GPR137C: variants seen among roughly 807,000 people sequenced by gnomAD.
GPR137C encodes G protein-coupled receptor 137C.
Under a neutral mutation model 43.4 loss-of-function variants are expected in GPR137C, and 27 were observed. That is an observed-to-expected ratio of 0.62 (90% CI 0.46 to 0.86). The LOEUF (loss-of-function observed/expected upper bound fraction) is 0.86, where lower values mean the gene tolerates loss of function less well. Among genes scored for constraint, GPR137C ranks in the 40% least tolerant of loss-of-function variants. The pLI is 0.00. For synonymous variants in GPR137C, 285 were observed against 226.9 expected (o/e 1.26, Z -2.30); for missense variants, 522 against 534.6 (o/e 0.98, Z 0.23).
At chr14:52,575,248 A>ACTT (rs2038533501) in intron 1 of GPR137C, among the ~76,000 whole-genome samples, 1 of 152,154 alleles carries the variant, frequency 6.6e-6, no homozygotes, top group African/African-American at 2.4e-5. Context: ...TTTTAAAAAT[A>ACTT]CTTCTACATG....
chr14:52,596,437 T>A (rs1047593315), intron 1 of GPR137C, among the ~76,000 whole-genome samples: 5 of 152,246 alleles, frequency 3.3e-5, no homozygotes, highest in African/African-American at 1.2e-4. Flanking sequence ...AGGTGGCGTC[T>A]AGCGAGGCGG....
At chr14:52,565,104 A>G (rs562628077) in intron 1 of GPR137C, among the ~76,000 whole-genome samples, 15 of 152,202 alleles carry the variant, frequency 9.9e-5, no homozygotes, top group Non-Finnish European at 7.3e-5. Flanking sequence ...ATGAGATTAC[A>G]TTGTCAAATC....
intron 3 of GPR137C, among the ~76,000 whole-genome samples, chr14:52,602,423 T>C (rs1392606742): frequency 6.6e-6 from 1 of 152,060 alleles, no homozygotes; most frequent in Non-Finnish European, 1.5e-5. Context: ...GTTCAGACTT[T>C]GGTCTTCTGT....
chr14:52,613,315 C>A (rs1032157464), intron 3 of GPR137C: 1 of 151,654 alleles, frequency 6.6e-6, no homozygotes, highest in Non-Finnish European at 1.5e-5. Context: ...ATGGAAAATG[C>A]AATATCCATC....
intron 3 of GPR137C, among the ~76,000 whole-genome samples, chr14:52,603,286 T>C (rs1451186386): frequency 1.3e-5 from 2 of 152,236 alleles, no homozygotes; most frequent in Non-Finnish European, 2.9e-5. Context: ...TTTCATTCTT[T>C]TTATGCCCAT....
intron 3 of GPR137C, among the ~76,000 whole-genome samples, chr14:52,622,024 A>G (rs2039167521): frequency 6.6e-6 from 1 of 151,930 alleles, no homozygotes; most frequent in Non-Finnish European, 1.5e-5. Context: ...AAATCTCTTT[A>G]ATATCTGACT....
intron 1 of GPR137C, among the ~76,000 whole-genome samples, chr14:52,571,423 A>C (rs2038466430): frequency 6.6e-6 from 1 of 152,158 alleles, no homozygotes; most frequent in Non-Finnish European, 1.5e-5. Context: ...CACAACTAAA[A>C]AGAACTAGAG....
intron 1 of GPR137C, among the ~76,000 whole-genome samples, chr14:52,587,299 T>C (rs560337274): frequency 6.6e-6 from 1 of 152,150 alleles, no homozygotes; most frequent in Non-Finnish European, 1.5e-5. Flanking sequence ...TAAAAAGAGT[T>C]TTCTCTCTCC....
intron 1 of GPR137C, among the ~76,000 whole-genome samples, chr14:52,592,502 T>C (rs907739328): frequency 2.8e-4 from 43 of 152,308 alleles, no homozygotes; most frequent in African/African-American, 1.0e-3. Flanking sequence ...CCTCTTTTAT[T>C]TCATTGAGCA....
At chr14:52,563,456 C>T (rs918710512) in intron 1 of GPR137C, among the ~76,000 whole-genome samples, 13 of 152,098 alleles carry the variant, frequency 8.5e-5, no homozygotes, top group Non-Finnish European at 1.3e-4. Flanking sequence ...ATCTTTCTTC[C>T]TCCTCTCCCA....
At chr14:52,614,161 C>T (rs1406443020) in intron 3 of GPR137C, among the ~76,000 whole-genome samples, 6 of 151,520 alleles carry the variant, frequency 4.0e-5, no homozygotes, top group South Asian at 2.1e-4. Context: ...ACTCTGTCAC[C>T]GCAGGCTGGA....
chr14:52,601,852 T>TCA, intron 3 of GPR137C, among the ~76,000 whole-genome samples: 1 of 152,056 alleles, frequency 6.6e-6, no homozygotes, highest in East Asian at 1.9e-4. Flanking sequence ...TTACTCGCTT[T>TCA]GAAATAGATA....
chr14:52,558,505 T>C (rs1271979580), intron 1 of GPR137C, among the ~76,000 whole-genome samples: 2 of 152,204 alleles, frequency 1.3e-5, no homozygotes, highest in Admixed American at 1.3e-4. Context: ...GAGATCTAAC[T>C]TGAAAACATA....
At chr14:52,596,404 G>T (rs1017748638) in intron 1 of GPR137C, among the ~76,000 whole-genome samples, 7 of 152,206 alleles carry the variant, frequency 4.6e-5, no homozygotes, top group Non-Finnish European at 1.0e-4. Context: ...GCTGCCTTTT[G>T]TTCAGCTATG....
chr14:52,584,657 G>T (rs901710838), intron 1 of GPR137C, among the ~76,000 whole-genome samples: 5 of 152,118 alleles, frequency 3.3e-5, no homozygotes, highest in Admixed American at 3.3e-4. Context: ...TGTTGCCCAG[G>T]CTGGAGTGCA....
At chr14:52,620,908 A>T (rs2039153113) in intron 3 of GPR137C, among the ~76,000 whole-genome samples, 1 of 152,004 alleles carries the variant, frequency 6.6e-6, no homozygotes, top group Non-Finnish European at 1.5e-5. Context: ...CCTGTAATAA[A>T]ACAGACAGAA....
At chr14:52,631,970 C>T (rs372480565) in intron 3 of GPR137C, among the ~76,000 whole-genome samples, 190 bp from the exon 4 acceptor site, 1 of 143,686 alleles carries the variant, frequency 7.0e-6, no homozygotes, top group East Asian at 2.1e-4. Flanking sequence ...AAAAAAAAAA[C>T]TTACACATAT....
chr14:52,613,943 G>A (rs2039067670), intron 3 of GPR137C, among the ~76,000 whole-genome samples: 1 of 152,112 alleles, frequency 6.6e-6, no homozygotes, highest in Admixed American at 6.5e-5. Context: ...ATTCTCCATA[G>A]TGGTTGTACT....
rs1347236042 is a variant in GPR137C, at chr14:52,553,093, C to G, written c.-55C>G. On this transcript the variant is annotated 5_prime_UTR_variant, in exon 1 of 7. Coordinates refer to ENST00000321662, the MANE Select transcript of GPR137C (RefSeq NM_001099652.2). Reference sequence around the variant, plus strand: ...CAGTCCTTCTCCCCTTCGACGGCGGCTCCGAGTCCAGCCCCTTCCTTCCCG... The same window carrying G: ...CAGTCCTTCTCCCCTTCGACGGCGGGTCCGAGTCCAGCCCCTTCCTTCCCG... The G allele has an allele frequency of 1.0e-6, 1 of 1,002,868 alleles. No individual in the cohort carries two copies. Among genetic ancestry groups the G allele is most frequent in the Admixed American group, 4.9e-5 (1 of 20,552 alleles). The allele number at this position is 1,002,868 out of a possible 1,614,324, so 62.1% of individuals were successfully genotyped here.
Sources: allele counts gnomAD v4.1 joint callset (sites outside exome capture counted in the v4.1 genomes callset), GRCh38; gene constraint gnomAD v4.1.1; transcripts MANE v1.5; gene names NCBI Gene and HGNC (gene_info 2026-07-23, HGNC 2026-07-21).